Variants in PDS5A observed in about 807,000 individuals in gnomAD.
PDS5A encodes the protein PDS5 cohesin associated factor A, also known as sister chromatid cohesion protein PDS5 homolog A.
PDS5A carries 42 observed loss-of-function variants against 167.1 expected under a neutral mutation model. The ratio of observed to expected loss-of-function variants is 0.25; its 90% CI spans 0.20 to 0.33. The LOEUF (loss-of-function observed/expected upper bound fraction) is 0.33. Among genes scored for constraint, PDS5A ranks in the 10% least tolerant of loss-of-function variants. The pLI, the probability that PDS5A is intolerant of heterozygous loss-of-function variation, is 1.00. For missense variants in PDS5A, 1,033 were observed against 1,605.9 expected, an observed-to-expected ratio of 0.64 and a Z score of 6.10; for synonymous variants, 553 against 554.6, an observed-to-expected ratio of 1.00 and a Z score of 0.04.
intron 4 of PDS5A, among the ~76,000 whole-genome samples, chr4:39,926,493 T>A (rs936048722): frequency 6.9e-6 from 1 of 144,798 alleles, no homozygotes; most frequent in Non-Finnish European, 1.5e-5. Context: ...ACTCCAGTCT[T>A]GGCAACAAGA....
At chr4:39,850,648 T>C (rs1049580435) in intron 26 of PDS5A, among the ~76,000 whole-genome samples, 3 of 152,220 alleles carry the variant, frequency 2.0e-5, no homozygotes, top group African/African-American at 7.2e-5. Context: ...CTAAGTTGCA[T>C]GTATTATGAG....
chr4:39,888,856 C>T (rs916438494), intron 17 of PDS5A, among the ~76,000 whole-genome samples: 2 of 152,188 alleles, frequency 1.3e-5, no homozygotes, highest in Non-Finnish European at 2.9e-5. Flanking sequence ...TTTTAGAGAT[C>T]GGTAGAGTGA....
intron 19 of PDS5A, among the ~76,000 whole-genome samples, chr4:39,874,759 T>G (rs150130245): frequency 6.6e-6 from 1 of 152,280 alleles, no homozygotes; most frequent in African/African-American, 2.4e-5. Context: ...ATTTTTCAAT[T>G]CCCTTTTATA....
chr4:39,976,112 TTAGGCAA>T (rs1314053666), intron 2 of PDS5A: 6 of 171,888 alleles, frequency 3.5e-5, no homozygotes, highest in African/African-American at 7.1e-5. Context: ...AGTAAACTTC[TTAGGCAA>T]ATTACTGCCT....
intron 2 of PDS5A, among the ~76,000 whole-genome samples, chr4:39,959,246 A>C (rs1729251490): frequency 6.6e-6 from 1 of 152,204 alleles, no homozygotes; most frequent in Non-Finnish European, 1.5e-5. Context: ...TGGCTTTACC[A>C]ACACAAATCA....
intron 2 of PDS5A, among the ~76,000 whole-genome samples, chr4:39,946,521 CA>C (rs974557129): frequency 1.3e-5 from 2 of 151,940 alleles, no homozygotes; most frequent in Non-Finnish European, 2.9e-5. Flanking sequence ...TTGAAAACAT[CA>C]ACAAAACTGA....
chr4:39,976,873 G>A (rs1031056785), intron 1 of PDS5A, among the ~76,000 whole-genome samples: 1 of 152,040 alleles, frequency 6.6e-6, no homozygotes, highest in African/African-American at 2.4e-5. Context: ...TTCCCATTCC[G>A]CCTTTCACAA....
intron 31 of PDS5A, among the ~76,000 whole-genome samples, chr4:39,839,546 G>C (rs997395401): frequency 6.6e-6 from 1 of 152,034 alleles, no homozygotes; most frequent in African/African-American, 2.4e-5. Context: ...TTTAGCCTGG[G>C]CAACAGAGAA....
intron 22 of PDS5A, among the ~76,000 whole-genome samples, chr4:39,869,175 TA>T (rs981574130): frequency 1.3e-5 from 2 of 152,158 alleles, no homozygotes; most frequent in Non-Finnish European, 2.9e-5. Context: ...TAGGTTTAAT[TA>T]AAAAAGGCTC....
At chr4:39,860,431 C>G (rs1234733769) in intron 26 of PDS5A, among the ~76,000 whole-genome samples, 1 of 151,088 alleles carries the variant, frequency 6.6e-6, no homozygotes, top group Non-Finnish European at 1.5e-5. Context: ...TTCCACTGCA[C>G]TCCAGCCAGG....
At chr4:39,914,688 A>G (rs182758167) in intron 8 of PDS5A, among the ~76,000 whole-genome samples, 158 of 152,336 alleles carry the variant, frequency 1.0e-3, no homozygotes, top group Non-Finnish European at 1.7e-3. Context: ...TTCAGTAGTG[A>G]TGCCATGCTT....
intron 28 of PDS5A, 45 bp from the exon 29 acceptor site, chr4:39,845,925 A>C: frequency 7.9e-7 from 1 of 1,267,520 alleles, no homozygotes; most frequent in Non-Finnish European, 1.0e-6. Context: ...CACCAATCAA[A>C]GGAACATGAG....
Position 39,873,111 on chromosome 4 carries a change from C to A in PDS5A, c.2311G>T (p.Glu771Ter). The A allele has an allele frequency of 6.6e-7, 1 of 1,521,944 alleles. No individual in the cohort carries two copies. Among genetic ancestry groups the A allele is most frequent in the Non-Finnish European group, 8.9e-7 (1 of 1,118,580 alleles). 94.3% of individuals were successfully genotyped at this position (1,521,944 alleles called of 1,614,324 possible). The change falls in exon 21 of 33, where the codon GAA (glutamate) becomes TAA (stop). Residue 771 changes from glutamate to a stop codon, truncating the protein, a stop_gained. Transcript: ENST00000303538. LOFTEE classifies it high-confidence loss of function. Reference protein sequence around the residue: ...LSRSLNADVPEQLITPLVSLG... With the variant: ...LSRSLNADVP ...GAAACTAATGGAGTTATAAGTTGTT[C>A]TGGCACATCAGCATTCAGACTCCTA...
chr4:39,976,748 C>G (rs560701806), intron 1 of PDS5A, 131 bp from the exon 2 acceptor site: 3 of 482,332 alleles, frequency 6.2e-6, no homozygotes, highest in South Asian at 3.9e-5. Flanking sequence ...GGCCTCGCCA[C>G]CCGCTCTTTC....
rs796770793 is a variant in PDS5A at position 39,935,122 on chromosome 4, TATTGATTG to T, written c.139-6966_139-6959del. Among the ~76,000 whole-genome samples, 20 of 152,342 alleles carry T rather than the reference TATTGATTG, an allele frequency of 1.3e-4. No individual in the cohort carries two copies. In the South Asian group the frequency reaches 3.7e-3, roughly 28 times the overall value. ...GTTGTAAAGATTTTCTCCGCTGTGG[TATTGATTG>T]ATTGATTGATTGACTGATTGGGACG... On this transcript the variant is annotated intron_variant, in intron 2 of 32. Coordinates refer to ENST00000303538, the MANE Select transcript of PDS5A (RefSeq NM_001100399.2).
intron 32 of PDS5A, among the ~76,000 whole-genome samples, chr4:39,833,284 T>C (rs966028483): frequency 6.8e-6 from 1 of 146,870 alleles, no homozygotes; most frequent in Non-Finnish European, 1.5e-5. Flanking sequence ...AAGAAAAGCA[T>C]CAAATGTCTG....
intron 2 of PDS5A, chr4:39,973,507 C>A: frequency 7.7e-7 from 1 of 1,305,688 alleles, no homozygotes; most frequent in Non-Finnish European, 1.1e-6. Context: ...TGATGAACGT[C>A]TCCAGAAAGA....
chr4:39,972,993 T>C (rs1244958660), intron 2 of PDS5A: 6 of 475,350 alleles, frequency 1.3e-5, no homozygotes, highest in Non-Finnish European at 2.3e-5. Flanking sequence ...GCTCGGTACA[T>C]AATGTTCAAA....
chr4:39,968,447 T>G (rs1489228292), intron 2 of PDS5A, among the ~76,000 whole-genome samples: 2 of 151,328 alleles, frequency 1.3e-5, no homozygotes, highest in East Asian at 3.9e-4. Context: ...TTTTTTTTTT[T>G]TTGAGACAGA....
Sources: gnomAD v4.1 joint callset for allele counts (sites outside exome capture counted in the v4.1 genomes callset) on GRCh38, gnomAD v4.1.1 for gene constraint, MANE v1.5 for transcripts, NCBI Gene and HGNC (gene_info 2026-07-23, HGNC 2026-07-21) for gene names.